The following CCDC39 variants were observed in gnomAD, a reference collection of about 807,000 sequenced individuals.
CCDC39 encodes the protein coiled-coil domain 39 molecular ruler complex subunit.
Under a neutral mutation model 121.0 loss-of-function variants are expected in CCDC39, and 113 were observed. That is an observed-to-expected ratio of 0.93 (90% CI 0.80 to 1.09). The LOEUF (loss-of-function observed/expected upper bound fraction) is 1.09. Among genes scored for constraint, CCDC39 ranks in the 50% least tolerant of loss-of-function variants. The pLI, the probability that CCDC39 is intolerant of heterozygous loss-of-function variation, is 0.00. For missense variants in CCDC39, 1,063 were observed against 1,074.7 expected, an observed-to-expected ratio of 0.99 and a Z score of 0.15; for synonymous variants, 349 against 352.2, an observed-to-expected ratio of 0.99 and a Z score of 0.10.
At chr3:180,631,437 T>C (rs1717692632) in intron 14 of CCDC39, 32 bp downstream of exon 14, 2 of 1,558,076 alleles carry the variant, frequency 1.3e-6, no homozygotes, top group African/African-American at 2.7e-5. Context: ...GAAAATTTCA[T>C]ACCATCACAA....
chr3:180,619,251 G>T lies in CCDC39; in HGVS notation c.2265+8C>A, dbSNP rs1400134548. 9 of 1,404,802 alleles carry T rather than the reference G, an allele frequency of 6.4e-6. No individual in the cohort carries two copies. The highest frequency in any genetic ancestry group is 8.9e-6 in the Non-Finnish European group (9 of 1,014,420). 87.0% of individuals were successfully genotyped at this position (1,404,802 alleles called of 1,614,324 possible). A position where few individuals can be genotyped will look rare whatever the true frequency, so the allele number is the denominator to read the frequency against. On this transcript the variant is annotated splice_region_variant and intron_variant, in intron 16 of 19. Coordinates refer to ENST00000476379, the MANE Select transcript of CCDC39 (RefSeq NM_181426.2). ...AGGCATATTACTAAAAATGCCTGTA[G>T]AATTTACCTGGATGTCTTCTTGAAG...
chr3:180,621,610 T>G (rs937325816), intron 14 of CCDC39, among the ~76,000 whole-genome samples: 1 of 152,086 alleles, frequency 6.6e-6, no homozygotes, highest in Admixed American at 6.6e-5. Flanking sequence ...AAGGGCTACA[T>G]GTGCAGGATT....
At chr3:180,628,235 G>T (rs1291211375) in intron 14 of CCDC39, among the ~76,000 whole-genome samples, 1 of 151,964 alleles carries the variant, frequency 6.6e-6, no homozygotes, top group Non-Finnish European at 1.5e-5. Flanking sequence ...TTTTGAGACG[G>T]AGTCTCACTC....
At chr3:180,669,028 C>T (rs1343301821) in intron 1 of CCDC39, among the ~76,000 whole-genome samples, 1 of 152,200 alleles carries the variant, frequency 6.6e-6, no homozygotes, top group Non-Finnish European at 1.5e-5. Context: ...TTGTAATGCA[C>T]ATGAAATGCA....
intron 4 of CCDC39, 21 bp from the exon 5 acceptor site, chr3:180,659,790 G>C: frequency 1.4e-6 from 2 of 1,457,594 alleles, no homozygotes; most frequent in Non-Finnish European, 1.9e-6. Context: ...ATTATATACA[G>C]ATACTTATAA....
In CCDC39 at chr3:180,648,180, T is replaced by A; in HGVS notation, c.1347A>T (p.Glu449Asp). 1.2e-6 allele frequency: 2 copies of A among 1,612,748 alleles called. No individual in the cohort carries two copies. The highest frequency in any genetic ancestry group is 2.7e-5 in the African/African-American group (2 of 74,992). ...TAACATCTACCTGGCTGTACATAAT[T>A]TCTTGCTGCTTCAAGGTTTCAAAAT... ...KLDFETLKQQ[E>D]IMYSQDFHIQ... Residue 449 changes from glutamate to aspartate, a missense_variant, in exon 10 of 20, where the codon GAA becomes GAT. Transcript: ENST00000476379.
intron 14 of CCDC39, among the ~76,000 whole-genome samples, chr3:180,625,696 T>TG (rs952030804): frequency 2.1e-4 from 32 of 152,124 alleles, no homozygotes; most frequent in African/African-American, 7.7e-4. Flanking sequence ...TGTTTTGATG[T>TG]GGGGTGCCTG....
In CCDC39 at chr3:180,616,378, A is replaced by C. The variant is rs768368758; in HGVS notation, c.2587-15T>G. The C allele has an allele frequency of 6.2e-7, 1 of 1,601,406 alleles. No individual in the cohort carries two copies. ...TCTAACCCACTCTGGAGGAATATTC[A>C]ATAGCAATCATTAGTACTACCTACT... On this transcript the variant is annotated splice_polypyrimidine_tract_variant and intron_variant, in intron 18 of 19. Transcript: ENST00000476379.
chr3:180,619,720 G>C (rs1480141246), intron 15 of CCDC39, 91 bp downstream of exon 15: 3 of 748,544 alleles, frequency 4.0e-6, no homozygotes, highest in Non-Finnish European at 6.1e-6. Context: ...AACATAGTTT[G>C]CTTTTGTTCT....
At chr3:180,668,118 C>T (rs1711936875) in intron 1 of CCDC39, among the ~76,000 whole-genome samples, 1 of 152,170 alleles carries the variant, frequency 6.6e-6, no homozygotes, top group African/African-American at 2.4e-5. Context: ...TGGCTCATGC[C>T]TGTAATCCCA....
At chr3:180,622,577 G>A (rs542727696) in intron 14 of CCDC39, among the ~76,000 whole-genome samples, 40 of 152,102 alleles carry the variant, frequency 2.6e-4, no homozygotes, top group South Asian at 1.2e-3. Flanking sequence ...TTATTTTGAG[G>A]TATGTTCCCT....
At position 180,620,722 on chromosome 3, in the gene CCDC39, T is replaced by C. The variant is rs187432579; in HGVS notation, c.1999-752A>G. ...TAAATTTATTCAGTTCTTAGATGTATGTATTTAAACCTGAATGTAGTCAAT... is the reference window on the plus strand; with the variant it reads ...TAAATTTATTCAGTTCTTAGATGTACGTATTTAAACCTGAATGTAGTCAAT... On this transcript the variant is annotated intron_variant, in intron 14 of 19. Transcript: ENST00000476379. Among the ~76,000 whole-genome samples the C allele has an allele frequency of 3.2e-3, 483 of 152,236 alleles. 1 individual carries two copies. Among genetic ancestry groups the C allele is most frequent in the Non-Finnish European group, 5.0e-3 (339 of 67,962 alleles).
At position 180,661,968 on chromosome 3, in the gene CCDC39, C is replaced by T. The variant is rs1457527784; in HGVS notation, c.250G>A (p.Glu84Lys). 3.2e-6 allele frequency: 5 copies of T among 1,557,788 alleles called. No homozygotes were observed. Among genetic ancestry groups the T allele is most frequent in the Admixed American group, 1.9e-5 (1 of 51,414 alleles). The change falls in exon 3 of 20, where the codon GAA (glutamate) becomes AAA (lysine). Residue 84 changes from glutamate to lysine, a missense_variant. Coordinates refer to ENST00000476379, the MANE Select transcript of CCDC39 (RefSeq NM_181426.2). ...KARERETESE[E>K]HFKAIAQREL... ...CTTTGAGCAATGGCCTTAAAATGTTCTTCACTTTCAGTCTCACGCTCCCTT... is the reference window on the plus strand; with the variant it reads ...CTTTGAGCAATGGCCTTAAAATGTTTTTCACTTTCAGTCTCACGCTCCCTT...
Position 180,647,251 on chromosome 3 carries a change from A to C in CCDC39, c.1363-8T>G, listed in dbSNP as rs926957699. 35 of 1,539,438 alleles carry C rather than the reference A, an allele frequency of 2.3e-5. No individual in the cohort carries two copies. Among genetic ancestry groups the C allele is most frequent in the Non-Finnish European group, 3.0e-5 (35 of 1,147,628 alleles). ...TTGTTGAATGTGAAAATCCTGTTAC[A>C]GTTTAAAAAAAAAAAGGTATTACAA... is the stretch of plus-strand genomic sequence containing the variant. On this transcript the variant is annotated splice_region_variant and splice_polypyrimidine_tract_variant and intron_variant, in intron 10 of 19. Coordinates refer to ENST00000476379, the MANE Select transcript of CCDC39 (RefSeq NM_181426.2).
chr3:180,642,002 T>C lies in CCDC39; in HGVS notation c.1865A>G (p.Glu622Gly), dbSNP rs200277460. The C allele has an allele frequency of 1.2e-3, 1,850 of 1,579,832 alleles. 3 individuals are homozygous for C. The highest frequency in any genetic ancestry group is 1.4e-3 in the Non-Finnish European group (1,637 of 1,161,672). Residue 622 changes from glutamate (E) to glycine (G), a missense_variant, in exon 13 of 20, where the codon GAA (glutamate) becomes GGA (glycine). Coordinates refer to ENST00000476379, the MANE Select transcript of CCDC39 (RefSeq NM_181426.2). Reference protein sequence around the residue: ...SQIRYVDQERENISTEFRERL... With the variant: ...SQIRYVDQERGNISTEFRERL... ...TAAAACTGAAAATTACCTTATGTTT[T>C]CCCGTTCTTGATCAACATATCTTAT...
intron 6 of CCDC39, among the ~76,000 whole-genome samples, chr3:180,657,812 G>C (rs1711621570): frequency 6.6e-6 from 1 of 152,142 alleles, no homozygotes; most frequent in South Asian, 2.1e-4. Flanking sequence ...AGGGCAACTT[G>C]AATCTATACT....
At chr3:180,678,634 G>T (rs1005436828) in intron 1 of CCDC39, among the ~76,000 whole-genome samples, 1 of 151,648 alleles carries the variant, frequency 6.6e-6, no homozygotes, top group Admixed American at 6.6e-5. Context: ...GATTACAGGT[G>T]TGAGCCACTG....
chr3:180,665,970 T>C (rs1398744801), intron 1 of CCDC39, among the ~76,000 whole-genome samples: 5 of 152,202 alleles, frequency 3.3e-5, no homozygotes, highest in East Asian at 1.9e-4. Context: ...TGGCAAAATA[T>C]ACAACATAAA....
At chr3:180,667,723 G>A (rs906982896) in intron 1 of CCDC39, among the ~76,000 whole-genome samples, 5 of 152,026 alleles carry the variant, frequency 3.3e-5, no homozygotes, top group Non-Finnish European at 5.9e-5. Context: ...ATAACCTTGC[G>A]ATGGCCTCTA....
Sources: gnomAD v4.1 joint callset for allele counts (sites outside exome capture counted in the v4.1 genomes callset) on GRCh38, gnomAD v4.1.1 for gene constraint, MANE v1.5 for transcripts, NCBI Gene and HGNC (gene_info 2026-07-23, HGNC 2026-07-21) for gene names.